The following IL1RAPL2 variants were observed in gnomAD, a reference collection of about 807,000 sequenced individuals.
IL1RAPL2 encodes the protein X-linked interleukin-1 receptor accessory protein-like 2.
Under a neutral mutation model 44.1 loss-of-function variants are expected in IL1RAPL2, and 3 were observed. That is an observed-to-expected ratio of 0.07 (90% CI 0.03 to 0.18). The LOEUF (loss-of-function observed/expected upper bound fraction) is 0.18, where lower values mean the gene tolerates loss of function less well. IL1RAPL2 is among the 10% of genes least tolerant of loss of function. The pLI is 1.00. For missense variants in IL1RAPL2, 391 were observed against 496.4 expected (o/e 0.79, Z 2.02); for synonymous variants, 181 against 178.8 (o/e 1.01, Z -0.10).
At chrX:104,647,731 G>A (rs1930071598) in intron 1 of IL1RAPL2, 2 of 544,562 alleles carry the variant, frequency 3.7e-6, no homozygotes, top group African/African-American at 4.5e-5. Context: ...TGTGCAGTGT[G>A]ATGTTGACAT....
chrX:105,640,642 A>C (rs2037556969), intron 6 of IL1RAPL2, among the ~76,000 whole-genome samples: 1 of 77,112 alleles, frequency 1.3e-5, no homozygotes, highest in Non-Finnish European at 2.5e-5. Flanking sequence ...TACACAAATT[A>C]TGTATGTGTG....
intron 2 of IL1RAPL2, among the ~76,000 whole-genome samples, chrX:104,732,833 T>C (rs988606265): frequency 9.0e-6 from 1 of 111,560 alleles, no homozygotes; most frequent in African/African-American, 3.3e-5. Flanking sequence ...GAAAAATAAA[T>C]TACAGATTAC....
At chrX:104,620,963 TTA>T (rs1342578987) in intron 1 of IL1RAPL2, among the ~76,000 whole-genome samples, 2 of 93,401 alleles carry the variant, frequency 2.1e-5, no homozygotes, top group African/African-American at 5.7e-5. Context: ...ATTCTATAAT[TTA>T]TATAATAATA....
chrX:105,075,620 C>G (rs1200416574), intron 2 of IL1RAPL2, among the ~76,000 whole-genome samples: 5 of 111,917 alleles, frequency 4.5e-5, no homozygotes, highest in African/African-American at 9.7e-5. Context: ...AGGAATGGTA[C>G]CAGCTCCTCC....
At chrX:104,723,281 A>T (rs187675505) in intron 2 of IL1RAPL2, among the ~76,000 whole-genome samples, 36 of 111,891 alleles carry the variant, frequency 3.2e-4, no homozygotes, top group African/African-American at 1.1e-3. Context: ...TATTTTTAAA[A>T]TGATTAATTT....
intron 1 of IL1RAPL2, among the ~76,000 whole-genome samples, chrX:104,647,019 C>A (rs1426871234): frequency 1.8e-5 from 2 of 108,834 alleles, no homozygotes; most frequent in Non-Finnish European, 3.8e-5. Flanking sequence ...ATAGTAGTGT[C>A]AAAAATTCCA....
At chrX:104,954,285 G>C (rs1386593997) in intron 2 of IL1RAPL2, among the ~76,000 whole-genome samples, 3 of 111,932 alleles carry the variant, frequency 2.7e-5, no homozygotes, top group African/African-American at 9.7e-5. Context: ...TAAGCAACAT[G>C]GGGAAGTAAT....
chrX:105,372,543 T>C (rs1287650484), intron 5 of IL1RAPL2, among the ~76,000 whole-genome samples: 1 of 111,230 alleles, frequency 9.0e-6, no homozygotes, highest in Non-Finnish European at 1.9e-5. Flanking sequence ...TAAACTTGTG[T>C]CATGGGGTTT....
At chrX:104,915,417 G>GT (rs1365591610) in intron 2 of IL1RAPL2, among the ~76,000 whole-genome samples, 1 of 110,706 alleles carries the variant, frequency 9.0e-6, no homozygotes, top group Non-Finnish European at 1.9e-5. Context: ...GGGGTTGTTT[G>GT]TTTTTTTCTT....
intron 2 of IL1RAPL2, among the ~76,000 whole-genome samples, chrX:105,079,108 C>T (rs780054566): frequency 4.5e-5 from 5 of 112,018 alleles, no homozygotes; most frequent in African/African-American, 9.7e-5. Flanking sequence ...AGAAATCACC[C>T]GTCTTCTGCA....
At chrX:105,176,271 C>T (rs768380270) in intron 2 of IL1RAPL2, among the ~76,000 whole-genome samples, 1 of 111,036 alleles carries the variant, frequency 9.0e-6, no homozygotes, top group African/African-American at 3.3e-5. Flanking sequence ...GTAACTACAC[C>T]CATTTCCCAG....
intron 2 of IL1RAPL2, among the ~76,000 whole-genome samples, chrX:105,144,258 A>G (rs1201899044): frequency 3.6e-5 from 4 of 109,933 alleles, no homozygotes; most frequent in African/African-American, 1.3e-4. Flanking sequence ...CTAGCTACTT[A>G]CTAACACCAA....
chrX:105,704,106 A>C (rs1316280492), intron 6 of IL1RAPL2, among the ~76,000 whole-genome samples: 3 of 111,755 alleles, frequency 2.7e-5, no homozygotes, highest in Admixed American at 1.9e-4. Flanking sequence ...CAGTATAGTA[A>C]GGGAAGTTAG....
At chrX:104,742,122 T>G (rs1932109729) in intron 2 of IL1RAPL2, among the ~76,000 whole-genome samples, 1 of 111,625 alleles carries the variant, frequency 9.0e-6, no homozygotes, top group Non-Finnish European at 1.9e-5. Context: ...CTCCCAAGCC[T>G]GAAAACCACA....
chrX:105,418,581 G>T (rs1325428313), intron 5 of IL1RAPL2, among the ~76,000 whole-genome samples: 1 of 111,495 alleles, frequency 9.0e-6, no homozygotes, highest in Non-Finnish European at 1.9e-5. Context: ...CTAATTAATT[G>T]CATATTTTGA....
At chrX:104,595,672 GAGAATATTTA>G (rs1928750442) in intron 1 of IL1RAPL2, among the ~76,000 whole-genome samples, 1 of 111,941 alleles carries the variant, frequency 8.9e-6, no homozygotes, top group South Asian at 3.7e-4. Flanking sequence ...AGGAAGCTAT[GAGAATATTTA>G]AGACACAAGG....
chrX:105,393,951 C>G (rs2035544873), intron 5 of IL1RAPL2, among the ~76,000 whole-genome samples: 1 of 111,986 alleles, frequency 8.9e-6, no homozygotes, highest in Non-Finnish European at 1.9e-5. Flanking sequence ...AGGTCTTTAA[C>G]AAGTCATTGA....
intron 6 of IL1RAPL2, among the ~76,000 whole-genome samples, chrX:105,518,695 A>G (rs897100425): frequency 8.9e-6 from 1 of 112,040 alleles, no homozygotes; most frequent in Non-Finnish European, 1.9e-5. Flanking sequence ...AATCATAGTC[A>G]TAGAACCAAA....
At chrX:105,760,012 T>C (rs1056371893) in intron 10 of IL1RAPL2, among the ~76,000 whole-genome samples, 2 of 111,517 alleles carry the variant, frequency 1.8e-5, no homozygotes, top group Non-Finnish European at 3.8e-5. Flanking sequence ...AAATTTAACA[T>C]ATTGTGTGAA....
Sources: allele counts gnomAD v4.1 joint callset (sites outside exome capture counted in the v4.1 genomes callset), GRCh38; gene constraint gnomAD v4.1.1; transcripts MANE v1.5; gene names NCBI Gene and HGNC (gene_info 2026-07-23, HGNC 2026-07-21).